The following GPC6 variants were observed in gnomAD, a reference collection of about 807,000 sequenced individuals.
GPC6 encodes the protein glypican 6.
In GPC6, 14 loss-of-function variants were observed where a neutral mutation model predicts 55.2. The observed-to-expected ratio is 0.25, with a 90% CI of 0.17 to 0.40. The LOEUF (loss-of-function observed/expected upper bound fraction) is 0.40. Among genes scored for constraint, GPC6 ranks in the 10% least tolerant of loss-of-function variants. The pLI is 1.00. For missense variants in GPC6, 641 were observed against 708.5 expected (o/e 0.90, Z 1.08); for synonymous variants, 278 against 259.6 (o/e 1.07, Z -0.68).
At chr13:93,405,515 T>C (rs1053562580) in intron 1 of GPC6, among the ~76,000 whole-genome samples, 2 of 152,204 alleles carry the variant, frequency 1.3e-5, no homozygotes, top group African/African-American at 4.8e-5. Flanking sequence ...ATGTTCTTAG[T>C]TTCTAATGTA....
intron 2 of GPC6, among the ~76,000 whole-genome samples, chr13:93,812,154 C>T (rs146733957): frequency 1.0e-4 from 1 of 9,968 alleles, no homozygotes; most frequent in Non-Finnish European, 2.2e-4. Context: ...GGGGGGGGGG[C>T]GGGGGGTGGG....
chr13:94,104,978 T>C (rs1460591776), intron 4 of GPC6, among the ~76,000 whole-genome samples: 1 of 152,132 alleles, frequency 6.6e-6, no homozygotes, highest in Non-Finnish European at 1.5e-5. Context: ...TTAAAGTTCA[T>C]ATGGAACCAA....
At chr13:93,592,360 A>AATATAT (rs34179629) in intron 2 of GPC6, among the ~76,000 whole-genome samples, 35 of 144,880 alleles carry the variant, frequency 2.4e-4, no homozygotes, top group Admixed American at 4.2e-4. Context: ...ATATATGTAA[A>AATATAT]ATATATATAT....
intron 2 of GPC6, among the ~76,000 whole-genome samples, chr13:93,649,457 G>A (rs1322317329): frequency 1.3e-5 from 2 of 152,106 alleles, no homozygotes; most frequent in African/African-American, 4.8e-5. Flanking sequence ...CTCAGCTCAT[G>A]TTTTAGCTCA....
At chr13:94,286,208 C>T in intron 4 of GPC6, 141 bp from the exon 5 acceptor site, 1 of 717,808 alleles carries the variant, frequency 1.4e-6, no homozygotes, top group Non-Finnish European at 2.4e-6. Context: ...TCATCTATTT[C>T]ATTTTGGACT....
At chr13:93,504,910 A>C (rs2139376213) in intron 1 of GPC6, among the ~76,000 whole-genome samples, 1 of 152,270 alleles carries the variant, frequency 6.6e-6, no homozygotes, top group African/African-American at 2.4e-5. Context: ...GCCAGGTACA[A>C]GTCAAAGTTA....
At chr13:94,147,517 A>G (rs1544088) in intron 4 of GPC6, among the ~76,000 whole-genome samples, 27,058 of 152,180 alleles carry the variant, frequency 0.18, 3,242 homozygotes, top group Middle Eastern at 0.27. Flanking sequence ...GTTGAGTAAG[A>G]TGATGCATAT....
intron 2 of GPC6, among the ~76,000 whole-genome samples, chr13:93,692,039 C>T (rs566958805): frequency 3.3e-5 from 5 of 152,090 alleles, no homozygotes; most frequent in African/African-American, 9.6e-5. Flanking sequence ...TGAAATTACA[C>T]TTTGGGGTTC....
the GPC6 span, among the ~76,000 whole-genome samples, chr13:93,219,215 T>C: frequency 6.6e-6 from 1 of 151,892 alleles, no homozygotes; most frequent in East Asian, 2.0e-4. Context: ...TGCCTTAGCC[T>C]CCCGAGTAGC....
chr13:93,297,276 C>CTT (rs1412944207), intron 1 of GPC6, among the ~76,000 whole-genome samples: 1 of 152,074 alleles, frequency 6.6e-6, no homozygotes, highest in Non-Finnish European at 1.5e-5. Flanking sequence ...TAGTGAGACT[C>CTT]CATCTCTGCA....
At chr13:93,944,232 C>G (rs1364827169) in intron 3 of GPC6, among the ~76,000 whole-genome samples, 1 of 151,500 alleles carries the variant, frequency 6.6e-6, no homozygotes. Flanking sequence ...CTGACGGAGT[C>G]TTGCTCTGTC....
At chr13:93,479,899 A>G (rs772188044) in intron 1 of GPC6, among the ~76,000 whole-genome samples, 4 of 152,198 alleles carry the variant, frequency 2.6e-5, no homozygotes, top group Non-Finnish European at 4.4e-5. Context: ...CCCTGGCCAT[A>G]TCTCTATGGT....
At chr13:93,626,466 A>T (rs1191206369) in intron 2 of GPC6, among the ~76,000 whole-genome samples, 1 of 152,114 alleles carries the variant, frequency 6.6e-6, no homozygotes, top group Admixed American at 6.6e-5. Context: ...TTTTTCTGCC[A>T]ATTTTGGATA....
intron 3 of GPC6, among the ~76,000 whole-genome samples, chr13:93,852,391 G>A (rs1888437176): frequency 6.6e-6 from 1 of 151,718 alleles, no homozygotes; most frequent in South Asian, 2.1e-4. Context: ...TCTCTCCAAA[G>A]TATCTTTAAG....
intron 2 of GPC6, among the ~76,000 whole-genome samples, chr13:93,591,138 C>T (rs1034418341): frequency 1.7e-5 from 2 of 119,276 alleles, no homozygotes; most frequent in Non-Finnish European, 3.2e-5. Flanking sequence ...AAATATGAAA[C>T]AATTTTCTAA....
At chr13:94,031,030 A>G (rs751623387) in intron 4 of GPC6, among the ~76,000 whole-genome samples, 60 of 150,456 alleles carry the variant, frequency 4.0e-4, no homozygotes, top group Admixed American at 1.1e-3. Flanking sequence ...GTGTGCATGC[A>G]TGCGTGTGTG....
intron 3 of GPC6, among the ~76,000 whole-genome samples, chr13:93,931,765 G>GAAAAAAAAAAAAAAAAAAAAAAAA (rs545578327): frequency 2.0e-5 from 1 of 49,714 alleles, no homozygotes; most frequent in Non-Finnish European, 4.2e-5. Flanking sequence ...CTCTGTCTCA[G>GAAAAAAAAAAAAAAAAAAAAAAAA]AAAAAAAAAA....
chr13:93,531,761 T>C lies in GPC6; in HGVS notation c.161-13502T>C, dbSNP rs145206426. Among the ~76,000 whole-genome samples the C allele has an allele frequency of 2.9e-4, 44 of 152,312 alleles. No individual in the cohort carries two copies. In the East Asian group the frequency reaches 8.5e-3, roughly 29 times the overall value. ...TGTATCCTAAAATCTTAGTGACCATTTGAAAACATAATACATATACGTTGT... is the reference window on the plus strand; with the variant it reads ...TGTATCCTAAAATCTTAGTGACCATCTGAAAACATAATACATATACGTTGT... On this transcript the variant is annotated intron_variant, in intron 1 of 8. Transcript: ENST00000377047.
intron 4 of GPC6, among the ~76,000 whole-genome samples, chr13:94,201,873 T>A (rs997969710): frequency 1.1e-4 from 17 of 152,066 alleles, no homozygotes; most frequent in Non-Finnish European, 1.6e-4. Flanking sequence ...CGCTTGAACC[T>A]GGGAGGTGGA....
Sources: gnomAD v4.1 joint callset for allele counts (sites outside exome capture counted in the v4.1 genomes callset) on GRCh38, gnomAD v4.1.1 for gene constraint, MANE v1.5 for transcripts, NCBI Gene and HGNC (gene_info 2026-07-23, HGNC 2026-07-21) for gene names.